AKT3: variants seen among roughly 807,000 people sequenced by gnomAD.
AKT3 encodes the protein RAC-gamma serine/threonine-protein kinase.
In AKT3, 15 loss-of-function variants were observed where a neutral mutation model predicts 65.3. That is an observed-to-expected ratio of 0.23 (90% CI 0.15 to 0.35). The LOEUF is 0.35. Ranked by LOEUF, AKT3 falls within the 10% of genes least tolerant of loss-of-function variation. AKT3 has a pLI of 1.00. For synonymous variants in AKT3, 206 were observed against 183.8 expected (o/e 1.12, Z -0.98); for missense variants, 243 against 576.5 (o/e 0.42, Z 5.92).
chr1:243,579,076 A>T lies in AKT3; in HGVS notation c.697-6028T>A, dbSNP rs185724630. On this transcript the variant is annotated intron_variant, in intron 8 of 13. Transcript: ENST00000673466. ...AAAGAGAATCAATATTCCAGAGGGA[A>T]CTAGCTTTTACCACTTGGGTCAAGG... Among the ~76,000 whole-genome samples, 219 of 152,276 alleles carry T rather than the reference A, an allele frequency of 1.4e-3. 2 individuals carry two copies. The East Asian group carries it at 0.02, about 14-fold the overall frequency.
At chr1:243,574,004 G>A (rs1485318478) in intron 8 of AKT3, among the ~76,000 whole-genome samples, 1 of 152,102 alleles carries the variant, frequency 6.6e-6, no homozygotes, top group African/African-American at 2.4e-5. Flanking sequence ...TTACAGTGCT[G>A]AGTATATTGC....
chr1:243,772,169 A>C (rs960671597), intron 2 of AKT3, among the ~76,000 whole-genome samples: 2 of 152,226 alleles, frequency 1.3e-5, no homozygotes, highest in African/African-American at 4.8e-5. Context: ...CAATGGCAAC[A>C]AAAGCCAAAA....
At chr1:243,541,337 C>A (rs1026341674) in intron 12 of AKT3, among the ~76,000 whole-genome samples, 13 of 152,188 alleles carry the variant, frequency 8.5e-5, no homozygotes, top group Admixed American at 7.2e-4. Flanking sequence ...TCCTTTGGAT[C>A]ATAAACTAAC....
At chr1:243,494,361 C>G (rs1444534312) in intron 13 of AKT3, among the ~76,000 whole-genome samples, 1 of 152,224 alleles carries the variant, frequency 6.6e-6, no homozygotes, top group Non-Finnish European at 1.5e-5. Flanking sequence ...GTACAAGACA[C>G]TGTCAACCAA....
At chr1:243,718,524 A>C (rs1198425073) in intron 2 of AKT3, among the ~76,000 whole-genome samples, 2 of 152,032 alleles carry the variant, frequency 1.3e-5, no homozygotes, top group African/African-American at 4.8e-5. Flanking sequence ...ATCTTGGCTC[A>C]CTGCGATCTC....
intron 5 of AKT3, among the ~76,000 whole-genome samples, chr1:243,643,218 G>C (rs1680572450): frequency 6.6e-6 from 1 of 152,226 alleles, no homozygotes; most frequent in East Asian, 1.9e-4. Context: ...ACTGGTATGA[G>C]TTACTACAGC....
chr1:243,529,655 T>C (rs1386870608), intron 12 of AKT3, among the ~76,000 whole-genome samples: 2 of 152,240 alleles, frequency 1.3e-5, no homozygotes, highest in East Asian at 3.8e-4. Context: ...TCTATGTGTC[T>C]GTTTTTGTAC....
At chr1:243,699,270 C>T (rs1358680451) in intron 2 of AKT3, among the ~76,000 whole-genome samples, 1 of 151,416 alleles carries the variant, frequency 6.6e-6, no homozygotes, top group Non-Finnish European at 1.5e-5. Flanking sequence ...AGGTTTTAAC[C>T]AATTTAAAAC....
chr1:243,741,884 C>CT (rs1434343478), intron 2 of AKT3: 1 of 151,918 alleles, frequency 6.6e-6, no homozygotes, highest in Non-Finnish European at 1.5e-5. Context: ...ATGAAAAGGA[C>CT]TTTATTTTTC....
chr1:243,688,028 T>G (rs1489543353), intron 3 of AKT3, among the ~76,000 whole-genome samples: 1 of 152,154 alleles, frequency 6.6e-6, no homozygotes, highest in Non-Finnish European at 1.5e-5. Flanking sequence ...AAAACAAGTA[T>G]CTAAGGTGAT....
intron 3 of AKT3, among the ~76,000 whole-genome samples, chr1:243,672,776 C>CA (rs1683240041): frequency 6.6e-6 from 1 of 152,172 alleles, no homozygotes; most frequent in Non-Finnish European, 1.5e-5. Flanking sequence ...ACCAAAAGCA[C>CA]ACTTACAGAG....
chr1:243,703,427 C>T (rs1023292275), intron 2 of AKT3, among the ~76,000 whole-genome samples: 1 of 152,080 alleles, frequency 6.6e-6, no homozygotes, highest in African/African-American at 2.4e-5. Flanking sequence ...AAATGTGCTT[C>T]TCACTCAACT....
chr1:243,667,075 T>C (rs544636589), intron 3 of AKT3, among the ~76,000 whole-genome samples: 8 of 152,120 alleles, frequency 5.3e-5, no homozygotes, highest in African/African-American at 1.9e-4. Flanking sequence ...AAATCCAAAA[T>C]TTGAAATACA....
At chr1:243,747,164 C>T (rs756848964) in intron 2 of AKT3, among the ~76,000 whole-genome samples, 4 of 151,928 alleles carry the variant, frequency 2.6e-5, no homozygotes, top group Non-Finnish European at 4.4e-5. Flanking sequence ...GTGTAGATGG[C>T]TATTATCTAA....
At chr1:243,604,710 G>C (rs1183800773) in intron 8 of AKT3, among the ~76,000 whole-genome samples, 1 of 152,086 alleles carries the variant, frequency 6.6e-6, no homozygotes, top group East Asian at 1.9e-4. Context: ...AGTATTATCA[G>C]AGCAACCATG....
Position 243,734,418 on chromosome 1 carries a change from A to G in AKT3, c.47-38702T>C, listed in dbSNP as rs188254541. Among the ~76,000 whole-genome samples the G allele has an allele frequency of 4.7e-3, 718 of 152,360 alleles. 5 individuals carry two copies. Among genetic ancestry groups the G allele is most frequent in the African/African-American group, 0.017 (694 of 41,580 alleles). ...GCAATTTCCTCACTGAGTGAACATC[A>G]TAGAAACACCTAGTTTTTAGGCTAC... On this transcript the variant is annotated intron_variant, in intron 2 of 13. Coordinates refer to ENST00000673466, the MANE Select transcript of AKT3 (RefSeq NM_005465.7).
chr1:243,499,097 A>G (rs559159229), downstream of AKT3, among the ~76,000 whole-genome samples: 4 of 152,326 alleles, frequency 2.6e-5, no homozygotes, highest in African/African-American at 9.6e-5. Context: ...CCATGGCAGC[A>G]GAGGCCAGGA....
At chr1:243,580,926 A>G (rs1237330742) in intron 8 of AKT3, among the ~76,000 whole-genome samples, 2 of 152,150 alleles carry the variant, frequency 1.3e-5, no homozygotes, top group African/African-American at 4.8e-5. Context: ...ATCCCTAGGC[A>G]TTCAGAGCAC....
intron 12 of AKT3, among the ~76,000 whole-genome samples, chr1:243,530,787 A>T (rs1166558477): frequency 6.6e-6 from 1 of 152,234 alleles, no homozygotes; most frequent in Admixed American, 6.5e-5. Flanking sequence ...TAACTGAAAA[A>T]GAGAGATGAT....
Sources: allele counts gnomAD v4.1 joint callset (sites outside exome capture counted in the v4.1 genomes callset), GRCh38; gene constraint gnomAD v4.1.1; transcripts MANE v1.5; gene names NCBI Gene and HGNC (gene_info 2026-07-23, HGNC 2026-07-21).